The following CD2AP variants were observed in gnomAD, a reference collection of about 807,000 sequenced individuals.
CD2AP encodes CD2-associated protein.
Under a neutral mutation model 85.1 loss-of-function variants are expected in CD2AP, and 46 were observed. The ratio of observed to expected loss-of-function variants is 0.54; its 90% CI spans 0.43 to 0.69. The LOEUF (loss-of-function observed/expected upper bound fraction) is 0.69. Ranked by LOEUF, CD2AP falls within the 30% of genes least tolerant of loss-of-function variation. The probability of loss-of-function intolerance (pLI) is 0.00; values close to 1 mark genes in which losing one functional copy is unlikely to be tolerated. For synonymous variants in CD2AP, 255 were observed against 252.9 expected (o/e 1.01, Z -0.08); for missense variants, 769 against 729.5 (o/e 1.05, Z -0.62).
chr6:47,590,477 T>A (rs1248076007), intron 11 of CD2AP, among the ~76,000 whole-genome samples: 1 of 152,138 alleles, frequency 6.6e-6, no homozygotes, highest in African/African-American at 2.4e-5. Context: ...TGGTTGACTC[T>A]TGAACAACAT....
Position 47,606,222 on chromosome 6 carries a change from A to G in CD2AP, c.1475A>G (p.Asn492Ser), listed in dbSNP as rs1327964248. ...GAAAACTTGCTTCATCTCACTGCAA[A>G]TAGACCAAAGATGCCTGGAAGAAGG... is the stretch of plus-strand genomic sequence containing the variant. ...SSENLLHLTA[N>S]RPKMPGRRLP... Residue 492 changes from asparagine to serine, a missense_variant, in exon 14 of 18, where the codon AAT becomes AGT. By Grantham distance (46) the Asn-to-Ser change is conservative (BLOSUM62 1). Coordinates refer to ENST00000359314, the MANE Select transcript of CD2AP (RefSeq NM_012120.3). 2 of 1,612,414 alleles carry G rather than the reference A, an allele frequency of 1.2e-6. No individual in the cohort carries two copies. The highest frequency in any genetic ancestry group is 2.2e-5 in the East Asian group (1 of 44,840).
chr6:47,488,044 T>TA (rs11368680), intron 1 of CD2AP, among the ~76,000 whole-genome samples: 1 of 150,766 alleles, frequency 6.6e-6, no homozygotes, highest in African/African-American at 2.4e-5. Flanking sequence ...TTTTTTTTTT[T>TA]AAGAAATAAA....
At chr6:47,505,675 T>C (rs1766133324) in intron 2 of CD2AP, among the ~76,000 whole-genome samples, 3 of 70,076 alleles carry the variant, frequency 4.3e-5, no homozygotes, top group Non-Finnish European at 6.7e-5. Flanking sequence ...GTGGGGGGGC[T>C]GACCCCCCCA....
At chr6:47,601,239 C>A (rs1425243815) in intron 13 of CD2AP, among the ~76,000 whole-genome samples, 1 of 151,782 alleles carries the variant, frequency 6.6e-6, no homozygotes, top group Non-Finnish European at 1.5e-5. Flanking sequence ...GTTATTTACT[C>A]CCTATATAGT....
intron 2 of CD2AP, among the ~76,000 whole-genome samples, chr6:47,529,775 A>G (rs1460219956): frequency 6.6e-6 from 1 of 152,196 alleles, no homozygotes; most frequent in Non-Finnish European, 1.5e-5. Flanking sequence ...CACAATTTCC[A>G]AGAAGTTATC....
intron 2 of CD2AP, among the ~76,000 whole-genome samples, chr6:47,510,347 G>A (rs1208312595): frequency 1.3e-5 from 2 of 152,182 alleles, no homozygotes; most frequent in African/African-American, 4.8e-5. Flanking sequence ...TACATCCAGT[G>A]CCCAGATCTT....
At position 47,626,395 on chromosome 6, in the gene CD2AP, A is replaced by G. The variant is rs1220045752; in HGVS notation, c.*2168A>G. The G allele has an allele frequency of 6.6e-6, 1 of 152,412 alleles. No individual in the cohort carries two copies. The highest frequency in any genetic ancestry group is 2.4e-5 in the African/African-American group (1 of 41,442). The allele number at this position is 152,412 out of a possible 1,614,324, so 9.4% of individuals were successfully genotyped here. The stretch of plus-strand genomic sequence containing the variant: ...GGAAATGTTATTAATTTCTATTACT[A>G]AAGTTCATATCACAAAATGATATTT... On this transcript the variant is annotated 3_prime_UTR_variant, in exon 18 of 18. Coordinates refer to ENST00000359314, the MANE Select transcript of CD2AP (RefSeq NM_012120.3).
intron 2 of CD2AP, among the ~76,000 whole-genome samples, chr6:47,524,342 C>G (rs957743790): frequency 1.3e-5 from 2 of 152,090 alleles, no homozygotes; most frequent in Non-Finnish European, 2.9e-5. Context: ...TCTGTGGCCT[C>G]AAGGAGTCTA....
chr6:47,520,415 G>C (rs922918617), intron 2 of CD2AP, among the ~76,000 whole-genome samples: 1 of 152,216 alleles, frequency 6.6e-6, no homozygotes, highest in Non-Finnish European at 1.5e-5. Context: ...GTTGACAGTT[G>C]TCGGGAGGGG....
intron 11 of CD2AP, among the ~76,000 whole-genome samples, chr6:47,583,676 A>T (rs1768543295): frequency 6.6e-6 from 1 of 152,214 alleles, no homozygotes; most frequent in African/African-American, 2.4e-5. Flanking sequence ...TCACTGAGGG[A>T]CATCGTGATT....
chr6:47,528,839 A>G (rs1266787727), intron 2 of CD2AP, among the ~76,000 whole-genome samples: 2 of 152,168 alleles, frequency 1.3e-5, no homozygotes, highest in Non-Finnish European at 2.9e-5. Flanking sequence ...TTGCCCATTT[A>G]AAAAATCAGG....
chr6:47,620,278 C>G (rs372058363), intron 17 of CD2AP, among the ~76,000 whole-genome samples: 1 of 152,234 alleles, frequency 6.6e-6, no homozygotes, highest in African/African-American at 2.4e-5. Flanking sequence ...CTCCTACATG[C>G]GGCTAGCCAA....
chr6:47,546,926 A>C (rs761237518), intron 4 of CD2AP, among the ~76,000 whole-genome samples: 7 of 152,198 alleles, frequency 4.6e-5, no homozygotes, highest in African/African-American at 1.7e-4. Flanking sequence ...AGCAAAACTT[A>C]GCTTCATAAA....
chr6:47,565,651 A>G (rs1767972861), intron 5 of CD2AP, among the ~76,000 whole-genome samples: 1 of 151,994 alleles, frequency 6.6e-6, no homozygotes, highest in South Asian at 2.1e-4. Flanking sequence ...TCAGGCCAAA[A>G]TTCTTAGATT....
At chr6:47,554,608 A>G (rs1285141613) in intron 4 of CD2AP, 38 bp from the exon 5 acceptor site, 5 of 1,611,842 alleles carry the variant, frequency 3.1e-6, no homozygotes, top group Admixed American at 1.7e-5. Flanking sequence ...TTCACTTAAC[A>G]GAAGTTGTTT....
chr6:47,506,778 G>T (rs796505017), intron 2 of CD2AP, among the ~76,000 whole-genome samples: 40 of 144,948 alleles, frequency 2.8e-4, no homozygotes, highest in African/African-American at 9.0e-4. Flanking sequence ...GAGGGAGACC[G>T]TGGGGAGAGG....
intron 5 of CD2AP, among the ~76,000 whole-genome samples, chr6:47,570,423 A>G (rs1286576716): frequency 1.3e-5 from 2 of 152,170 alleles, no homozygotes; most frequent in Admixed American, 6.5e-5. Flanking sequence ...GGTAAAGTAT[A>G]TGGGTATTAA....
chr6:47,569,126 T>C (rs1444928541), intron 5 of CD2AP, among the ~76,000 whole-genome samples: 1 of 152,144 alleles, frequency 6.6e-6, no homozygotes, highest in East Asian at 1.9e-4. Flanking sequence ...ATAAGGCAGT[T>C]GCAGCATTTG....
chr6:47,489,468 GC>G (rs1486244552), intron 1 of CD2AP, among the ~76,000 whole-genome samples: 2 of 152,158 alleles, frequency 1.3e-5, no homozygotes, highest in East Asian at 3.9e-4. Context: ...GAGCCACCGT[GC>G]CCGGCTGCAC....
Sources: gnomAD v4.1 joint callset for allele counts (sites outside exome capture counted in the v4.1 genomes callset) on GRCh38, gnomAD v4.1.1 for gene constraint, MANE v1.5 for transcripts, NCBI Gene and HGNC (gene_info 2026-07-23, HGNC 2026-07-21) for gene names.